Variants in CSMD1 observed in about 807,000 individuals in gnomAD.
The protein encoded by CSMD1 is CUB and sushi domain-containing protein 1.
In CSMD1, 213 loss-of-function variants were observed where a neutral mutation model predicts 417.5. That is an observed-to-expected ratio of 0.51 (90% confidence interval 0.46 to 0.57). CSMD1 has a LOEUF of 0.57. CSMD1 is among the 20% of genes least tolerant of loss of function. The pLI, the probability that CSMD1 is intolerant of heterozygous loss-of-function variation, is 0.00. For missense variants in CSMD1, 6,923 were observed against 4,529.7 expected, an observed-to-expected ratio of 1.53 and a Z score of -15.17; for synonymous variants, 2,862 against 1,736.8, an observed-to-expected ratio of 1.65 and a Z score of -16.11.
At chr8:4,623,864 G>A (rs10113503) in intron 2 of CSMD1, among the ~76,000 whole-genome samples, 17,998 of 152,070 alleles carry the variant, frequency 0.12, 1,179 homozygotes, top group African/African-American at 0.15. Flanking sequence ...ATGGATGACC[G>A]GGGTCACAAG....
intron 3 of CSMD1, among the ~76,000 whole-genome samples, chr8:4,047,253 G>C (rs1187496211): frequency 1.3e-5 from 2 of 152,100 alleles, no homozygotes; most frequent in Non-Finnish European, 2.9e-5. Context: ...CATCTAAGTG[G>C]TAGGCACATG....
chr8:4,943,428 G>A (rs865948997), intron 1 of CSMD1, among the ~76,000 whole-genome samples: 31 of 151,796 alleles, frequency 2.0e-4, no homozygotes, highest in African/African-American at 6.5e-4. Context: ...CCCGGGAGGC[G>A]GAGCTTGCAG....
chr8:3,650,788 C>A (rs565658666), intron 7 of CSMD1, among the ~76,000 whole-genome samples: 4 of 152,194 alleles, frequency 2.6e-5, no homozygotes, highest in Non-Finnish European at 5.9e-5. Context: ...AGAGTTTCCA[C>A]CCCTTTTTTC....
rs140975584 is a variant in CSMD1 at position 3,609,063 on chromosome 8, G to C, written c.1097+7647C>G. Among the ~76,000 whole-genome samples the C allele has an allele frequency of 2.6e-5, 4 of 152,294 alleles. No individual in the cohort carries two copies. In the East Asian group the frequency reaches 7.7e-4, roughly 29 times the overall value. ...GTAAAAACTTCTATTATAATTATCT[G>C]TGTTACAAACTACCAAGGTCAATAG... On this transcript the variant is annotated intron_variant, in intron 8 of 69. Transcript: ENST00000635120.
chr8:4,485,964 T>C (rs1001704446), intron 2 of CSMD1, among the ~76,000 whole-genome samples: 2 of 152,006 alleles, frequency 1.3e-5, no homozygotes, highest in African/African-American at 4.8e-5. Context: ...ACTCTGATAT[T>C]GATACACACT....
At position 4,727,765 on chromosome 8, in the gene CSMD1, G is replaced by A. The variant is rs547543916; in HGVS notation, c.86-90207C>T. 9.9e-5 allele frequency among the ~76,000 whole-genome samples: 15 copies of A among 151,654 alleles called. No individual in the cohort carries two copies. The East Asian group carries it at 2.9e-3, about 29-fold the overall frequency. On this transcript the variant is annotated intron_variant, in intron 1 of 69. Coordinates refer to ENST00000635120, the MANE Select transcript of CSMD1 (RefSeq NM_033225.6). The stretch of plus-strand genomic sequence containing the variant: ...CTTCTCTGAATCTCAGTTAAGGGCT[G>A]CTCTCTGCTTCCAGGTGCTAAATTT...
intron 2 of CSMD1, among the ~76,000 whole-genome samples, chr8:4,621,642 A>C (rs1423685476): frequency 6.6e-6 from 1 of 152,138 alleles, no homozygotes; most frequent in Non-Finnish European, 1.5e-5. Flanking sequence ...ACACAGTTTT[A>C]GAAACAGAGG....
At chr8:4,855,277 C>G (rs961328767) in intron 1 of CSMD1, among the ~76,000 whole-genome samples, 7 of 151,712 alleles carry the variant, frequency 4.6e-5, no homozygotes, top group African/African-American at 9.7e-5. Flanking sequence ...TAACCATCAT[C>G]AAAGACCAAA....
At chr8:2,966,251 C>A (rs1563188767) in intron 58 of CSMD1, among the ~76,000 whole-genome samples, 1 of 152,150 alleles carries the variant, frequency 6.6e-6, no homozygotes, top group Non-Finnish European at 1.5e-5. Flanking sequence ...ATGAAGCCTG[C>A]AGCCAGAGAA....
chr8:2,962,395 C>A, intron 61 of CSMD1, 71 bp downstream of exon 61: 1 of 1,372,666 alleles, frequency 7.3e-7, no homozygotes, highest in Non-Finnish European at 1.0e-6. Context: ...ACAAATGACC[C>A]AATTTCGGAA....
At chr8:4,327,104 G>A (rs1799603619) in intron 3 of CSMD1, among the ~76,000 whole-genome samples, 1 of 152,106 alleles carries the variant, frequency 6.6e-6, no homozygotes, top group South Asian at 2.1e-4. Context: ...GAACAGGAGA[G>A]GGGAATCCAG....
intron 5 of CSMD1, among the ~76,000 whole-genome samples, chr8:3,817,420 A>G (rs903362598): frequency 1.3e-5 from 2 of 151,578 alleles, no homozygotes; most frequent in Non-Finnish European, 2.9e-5. Flanking sequence ...AGCTGGGACT[A>G]TAGGCGTGCG....
At chr8:3,662,933 C>A (rs981845873) in intron 7 of CSMD1, among the ~76,000 whole-genome samples, 2 of 152,064 alleles carry the variant, frequency 1.3e-5, no homozygotes, top group Non-Finnish European at 2.9e-5. Context: ...TGCAGCAAAC[C>A]ACCATGGCAC....
At chr8:4,028,992 G>C (rs1240921144) in intron 4 of CSMD1, among the ~76,000 whole-genome samples, 2 of 152,166 alleles carry the variant, frequency 1.3e-5, no homozygotes, top group South Asian at 2.1e-4. Flanking sequence ...TTCTCATCTT[G>C]CTCTGAAATA....
intron 2 of CSMD1, among the ~76,000 whole-genome samples, chr8:4,462,962 T>C (rs569268167): frequency 6.6e-6 from 1 of 152,286 alleles, no homozygotes; most frequent in South Asian, 2.1e-4. Flanking sequence ...CTGGAATTCA[T>C]CAAAATTTTA....
rs117949056 is a variant in CSMD1, at chr8:3,557,787, T to C, written c.1344+17158A>G. Among the ~76,000 whole-genome samples the C allele has an allele frequency of 1.0e-3, 153 of 152,316 alleles. 1 individual carries two copies. In the East Asian group the frequency reaches 0.026, roughly 26 times the overall value. ...CAGGTTTTGGTTTGCCTAGGACAGATAGAGTCTTTGGTTGTTTCTAGGTTG... is the reference window on the plus strand; with the variant it reads ...CAGGTTTTGGTTTGCCTAGGACAGACAGAGTCTTTGGTTGTTTCTAGGTTG... On this transcript the variant is annotated intron_variant, in intron 10 of 69. Coordinates refer to ENST00000635120, the MANE Select transcript of CSMD1 (RefSeq NM_033225.6).
At chr8:4,103,966 G>A (rs551147430) in intron 3 of CSMD1, among the ~76,000 whole-genome samples, 7 of 152,308 alleles carry the variant, frequency 4.6e-5, no homozygotes, top group South Asian at 4.1e-4. Flanking sequence ...TGCTGCAGAC[G>A]CGTGAGCTCC....
intron 1 of CSMD1, among the ~76,000 whole-genome samples, chr8:4,863,948 TAA>T (rs148485802): frequency 0.1 from 8,662 of 84,240 alleles, 358 homozygotes; most frequent in Non-Finnish European, 0.14. Flanking sequence ...AATCCTAAAA[TAA>T]ATGTCAAGAC....
intron 10 of CSMD1, among the ~76,000 whole-genome samples, chr8:3,537,660 A>C (rs1040614202): frequency 1.1e-4 from 16 of 152,214 alleles, no homozygotes; most frequent in Non-Finnish European, 1.6e-4. Context: ...TTTCAGGCAA[A>C]TTACATATAT....
Sources: gnomAD v4.1 joint callset for allele counts (sites outside exome capture counted in the v4.1 genomes callset) on GRCh38, gnomAD v4.1.1 for gene constraint, MANE v1.5 for transcripts, NCBI Gene and HGNC (gene_info 2026-07-23, HGNC 2026-07-21) for gene names.